ZC3H8: variants seen among roughly 807,000 people sequenced by gnomAD.
ZC3H8 encodes zinc finger CCCH-type containing 8.
Under a neutral mutation model 42.5 loss-of-function variants are expected in ZC3H8, and 27 were observed. The ratio of observed to expected loss-of-function variants is 0.64; its 90% CI spans 0.47 to 0.88. The LOEUF is 0.88. Ranked by LOEUF, ZC3H8 falls within the 40% of genes least tolerant of loss-of-function variation. The pLI, the probability that ZC3H8 is intolerant of heterozygous loss-of-function variation, is 0.00. For missense variants in ZC3H8, 277 were observed against 336.1 expected (o/e 0.82, Z 1.37); for synonymous variants, 101 against 110.1 (o/e 0.92, Z 0.52).
chr2:112,233,971 A>G, intron 5 of ZC3H8, 149 bp downstream of exon 5: 1 of 509,124 alleles, frequency 2.0e-6, no homozygotes, highest in Non-Finnish European at 3.3e-6. Context: ...TACTTTTTTA[A>G]ACATAAAAGA....
At chr2:112,233,643 G>A (rs191248538) in intron 5 of ZC3H8, among the ~76,000 whole-genome samples, 31 of 152,126 alleles carry the variant, frequency 2.0e-4, no homozygotes, top group Non-Finnish European at 1.5e-5. Flanking sequence ...CGAGGTGCGC[G>A]GATCATGAGG....
chr2:112,250,071 G>A (rs947045837), intron 2 of ZC3H8, 120 bp downstream of exon 2: 2 of 654,960 alleles, frequency 3.1e-6, no homozygotes, highest in South Asian at 2.7e-5. Context: ...AGACAAGTAG[G>A]ATCCTTCATT....
intron 4 of ZC3H8, among the ~76,000 whole-genome samples, chr2:112,235,964 G>A: frequency 1.4e-5 from 2 of 148,092 alleles, no homozygotes; most frequent in South Asian, 4.3e-4. Context: ...AAATCAAGGA[G>A]TGACCAGGCA....
intron 4 of ZC3H8, among the ~76,000 whole-genome samples, chr2:112,235,687 C>A (rs996623858): frequency 3.3e-5 from 5 of 152,016 alleles, no homozygotes; most frequent in African/African-American, 1.2e-4. Context: ...ATTATTCTAC[C>A]CTGCTTACAT....
intron 7 of ZC3H8, 144 bp from the exon 8 acceptor site, chr2:112,231,094 G>A (rs1685067367): frequency 4.2e-6 from 2 of 472,646 alleles, no homozygotes; most frequent in African/African-American, 4.1e-5. Context: ...TACAGGAACT[G>A]AAAAACTTAT....
intron 2 of ZC3H8, among the ~76,000 whole-genome samples, chr2:112,243,597 T>C (rs1320263142): frequency 1.3e-5 from 2 of 151,832 alleles, no homozygotes; most frequent in African/African-American, 4.8e-5. Context: ...ATCCCATTCT[T>C]CTCATTAGAA....
chr2:112,232,975 CAGT>C (rs1026933692), intron 6 of ZC3H8, among the ~76,000 whole-genome samples: 1 of 152,154 alleles, frequency 6.6e-6, no homozygotes, highest in Non-Finnish European at 1.5e-5. Flanking sequence ...ATCAGTGTCA[CAGT>C]AGAAATTGTG....
At chr2:112,238,248 C>T in intron 3 of ZC3H8, 67 bp downstream of exon 3, 1 of 1,481,288 alleles carries the variant, frequency 6.8e-7, no homozygotes, top group African/African-American at 1.4e-5. Flanking sequence ...AATCCTCTGT[C>T]CGTATATGGA....
At chr2:112,221,330 A>G (rs1573883732) in intron 8 of ZC3H8, among the ~76,000 whole-genome samples, 1 of 151,846 alleles carries the variant, frequency 6.6e-6, no homozygotes, top group South Asian at 2.1e-4. Context: ...TGGTTGTTTA[A>G]AAGTGTGTAG....
chr2:112,243,311 C>A (rs1685646451), intron 2 of ZC3H8, among the ~76,000 whole-genome samples: 1 of 152,210 alleles, frequency 6.6e-6, no homozygotes, highest in Admixed American at 6.5e-5. Context: ...AGTGACTCAT[C>A]TGCAATGTAG....
intron 2 of ZC3H8, among the ~76,000 whole-genome samples, chr2:112,249,482 T>C (rs1407947303): frequency 6.6e-6 from 1 of 152,138 alleles, no homozygotes; most frequent in East Asian, 1.9e-4. Context: ...CTCGCTTTGT[T>C]GCCCAGGCTG....
chr2:112,248,603 G>A (rs1226387205), intron 2 of ZC3H8, among the ~76,000 whole-genome samples: 4 of 151,994 alleles, frequency 2.6e-5, no homozygotes, highest in Non-Finnish European at 5.9e-5. Context: ...CGATTCTCCT[G>A]CCTCAGCTCC....
intron 8 of ZC3H8, among the ~76,000 whole-genome samples, chr2:112,227,818 A>T (rs1684912382): frequency 6.6e-6 from 1 of 151,458 alleles, no homozygotes; most frequent in Admixed American, 6.6e-5. Context: ...GAAACTGAAG[A>T]TCTAAATAAA....
intron 8 of ZC3H8, among the ~76,000 whole-genome samples, chr2:112,218,021 T>C (rs1191707836): frequency 6.6e-6 from 1 of 152,166 alleles, no homozygotes; most frequent in Non-Finnish European, 1.5e-5. Context: ...CCACAGCAGC[T>C]GGCATTACAG....
chr2:112,252,869 C>T (rs1411360970), intron 1 of ZC3H8, among the ~76,000 whole-genome samples: 8 of 152,210 alleles, frequency 5.3e-5, no homozygotes, highest in East Asian at 1.9e-4. Context: ...CCCAGCCGGG[C>T]GCGGTGGCTC....
At chr2:112,220,938 T>C (rs1684557543) in intron 8 of ZC3H8, among the ~76,000 whole-genome samples, 2 of 152,384 alleles carry the variant, frequency 1.3e-5, no homozygotes, top group East Asian at 3.9e-4. Flanking sequence ...GTCATGAGGA[T>C]GATCTTCTTG....
At chr2:112,228,006 A>T (rs1221617995) in intron 8 of ZC3H8, among the ~76,000 whole-genome samples, 1 of 152,268 alleles carries the variant, frequency 6.6e-6, no homozygotes, top group Non-Finnish European at 1.5e-5. Flanking sequence ...AAAGTAGAAC[A>T]AAGCTAGACA....
chr2:112,243,905 A>T (rs1685670427), intron 2 of ZC3H8, among the ~76,000 whole-genome samples: 1 of 152,114 alleles, frequency 6.6e-6, no homozygotes, highest in African/African-American at 2.4e-5. Context: ...GATATTAAAA[A>T]ATATATTCAA....
intron 2 of ZC3H8, among the ~76,000 whole-genome samples, chr2:112,248,618 G>A (rs1295282782): frequency 6.6e-6 from 1 of 152,106 alleles, no homozygotes; most frequent in Non-Finnish European, 1.5e-5. Context: ...AGCTCCCTGA[G>A]TAGCTGGGAT....
Sources: gnomAD v4.1 joint callset for allele counts (sites outside exome capture counted in the v4.1 genomes callset) on GRCh38, gnomAD v4.1.1 for gene constraint, MANE v1.5 for transcripts, NCBI Gene and HGNC (gene_info 2026-07-23, HGNC 2026-07-21) for gene names.